Variants in XKR4 observed in about 807,000 individuals in gnomAD.
XKR4 encodes XK related 4, also known as XK-related protein 4.
XKR4 carries 12 observed loss-of-function variants against 53.9 expected under a neutral mutation model. The ratio of observed to expected loss-of-function variants is 0.22; its 90% confidence interval spans 0.14 to 0.36. The LOEUF (loss-of-function observed/expected upper bound fraction) is 0.36, where lower values mean the gene tolerates loss of function less well. XKR4 is among the 10% of genes least tolerant of loss of function. The probability of loss-of-function intolerance (pLI) is 1.00; values close to 1 mark genes in which losing one functional copy is unlikely to be tolerated. For missense variants in XKR4, 799 were observed against 859.5 expected, an observed-to-expected ratio of 0.93 and a Z score of 0.88; for synonymous variants, 354 against 362.4, an observed-to-expected ratio of 0.98 and a Z score of 0.26.
rs192047265 is a variant in XKR4 at position 55,528,204 on chromosome 8, T to C, written c.*3977T>C. ...CTATAAGACCAACACACTTACGAACTTCAGTTGGAAATACCTAAATATAAT... is the reference window on the plus strand; with the variant it reads ...CTATAAGACCAACACACTTACGAACCTCAGTTGGAAATACCTAAATATAAT... On this transcript the variant is annotated 3_prime_UTR_variant, in exon 3 of 3. Transcript: ENST00000327381. 2.4e-4 allele frequency: 36 copies of C among 152,342 alleles called. No homozygotes were observed. Among genetic ancestry groups the C allele is most frequent in the Admixed American group, 1.8e-3 (28 of 15,304 alleles). 9.4% of individuals were successfully genotyped at this position (152,342 alleles called of 1,614,324 possible). A position where few individuals can be genotyped will look rare whatever the true frequency, so the allele number is the denominator to read the frequency against.
At chr8:55,334,646 T>C (rs1803432471) in intron 1 of XKR4, among the ~76,000 whole-genome samples, 1 of 152,190 alleles carries the variant, frequency 6.6e-6, no homozygotes, top group Non-Finnish European at 1.5e-5. Context: ...CTCATATACC[T>C]GTGCATTTCA....
At chr8:55,240,062 C>A (rs1174580090) in intron 1 of XKR4, among the ~76,000 whole-genome samples, 1 of 152,176 alleles carries the variant, frequency 6.6e-6, no homozygotes, top group South Asian at 2.1e-4. Flanking sequence ...TGTCTACCTG[C>A]TAAACTGTTA....
Position 55,451,687 on chromosome 8 carries a change from T to C in XKR4, c.1007-71594T>C, listed in dbSNP as rs561527229. The stretch of plus-strand genomic sequence containing the variant: ...CTGGGGCACGATCAGCAGCCCCGGG[T>C]ACCTGCGGTAGATGGCATGCATGCG... On this transcript the variant is annotated intron_variant, in intron 2 of 2. Transcript: ENST00000327381. 7 of 1,484,976 alleles carry C rather than the reference T, an allele frequency of 4.7e-6. No individual in the cohort carries two copies. The South Asian group carries it at 4.8e-5, about 10-fold the overall frequency. 92.0% of individuals were successfully genotyped at this position (1,484,976 alleles called of 1,614,324 possible).
intron 2 of XKR4, among the ~76,000 whole-genome samples, chr8:55,436,859 C>T (rs889241774): frequency 2.0e-5 from 3 of 152,114 alleles, no homozygotes; most frequent in Non-Finnish European, 4.4e-5. Flanking sequence ...TCACAGAGGG[C>T]CCGGTAGCTG....
At chr8:55,394,603 A>G (rs1276028131) in intron 2 of XKR4, among the ~76,000 whole-genome samples, 2 of 152,208 alleles carry the variant, frequency 1.3e-5, no homozygotes, top group Non-Finnish European at 2.9e-5. Context: ...ATGGCGAAAT[A>G]TCTTTCACTT....
rs1382986779 is a variant in XKR4 at position 55,262,764 on chromosome 8, G to A, written c.807-94914G>A. On this transcript the variant is annotated intron_variant, in intron 1 of 2. Transcript: ENST00000327381. ...GCAGCCCAAGCTGACTATGACAGTG[G>A]TAGAGCTGGCATTAGATGCCCACTC... is the stretch of plus-strand genomic sequence containing the variant. Among the ~76,000 whole-genome samples the A allele has an allele frequency of 2.0e-5, 3 of 152,300 alleles. No individual in the cohort carries two copies. The East Asian group carries it at 5.8e-4, about 29-fold the overall frequency.
chr8:55,508,586 T>C (rs745860021), intron 2 of XKR4, among the ~76,000 whole-genome samples: 5 of 152,108 alleles, frequency 3.3e-5, no homozygotes, highest in African/African-American at 7.2e-5. Context: ...AGGAGATGGC[T>C]CAAGCAAGCA....
chr8:55,132,014 G>A (rs943746251), intron 1 of XKR4, among the ~76,000 whole-genome samples: 9 of 152,174 alleles, frequency 5.9e-5, no homozygotes, highest in Non-Finnish European at 1.2e-4. Context: ...CGCAGAGCCC[G>A]AAGGGTGTGG....
At chr8:55,372,860 C>A (rs963367739) in intron 2 of XKR4, among the ~76,000 whole-genome samples, 4 of 152,164 alleles carry the variant, frequency 2.6e-5, no homozygotes, top group Non-Finnish European at 5.9e-5. Context: ...GGGTACTGCT[C>A]ATACACAGGA....
intron 1 of XKR4, among the ~76,000 whole-genome samples, chr8:55,128,843 T>G (rs1475719275): frequency 1.3e-5 from 2 of 152,180 alleles, no homozygotes; most frequent in African/African-American, 4.8e-5. Flanking sequence ...GCACCTGCTG[T>G]CATCCATGCA....
intron 2 of XKR4, among the ~76,000 whole-genome samples, chr8:55,459,312 A>T (rs1805614518): frequency 6.6e-6 from 1 of 152,242 alleles, no homozygotes; most frequent in Non-Finnish European, 1.5e-5. Flanking sequence ...AGTAAGAGCT[A>T]AAACTATAAA....
chr8:55,422,040 ATAAC>A (rs1461644906), intron 2 of XKR4, among the ~76,000 whole-genome samples: 4 of 152,234 alleles, frequency 2.6e-5, no homozygotes, highest in African/African-American at 9.6e-5. Flanking sequence ...AAACAAAAGA[ATAAC>A]TATGGCCTAT....
intron 2 of XKR4, chr8:55,454,507 G>A (rs1805524297): frequency 1.6e-6 from 2 of 1,269,024 alleles, no homozygotes; most frequent in Non-Finnish European, 1.1e-6. Context: ...GTACGTTGGT[G>A]ATGCCCAGCT....
At chr8:55,114,079 G>T (rs1376604902) in intron 1 of XKR4, among the ~76,000 whole-genome samples, 1 of 151,934 alleles carries the variant, frequency 6.6e-6, no homozygotes, top group Non-Finnish European at 1.5e-5. Context: ...TATTCCTTTG[G>T]GTATATATCC....
chr8:55,181,279 C>T (rs115012041), intron 1 of XKR4, among the ~76,000 whole-genome samples: 23 of 152,260 alleles, frequency 1.5e-4, no homozygotes, highest in African/African-American at 5.3e-4. Flanking sequence ...GTGTGTGTCT[C>T]ATTCTGACCC....
rs965501461 is a variant in XKR4, at chr8:55,541,150, A to G, written c.*16923A>G. The G allele has an allele frequency of 1.3e-5, 2 of 152,236 alleles. No homozygotes were observed. Among genetic ancestry groups the G allele is most frequent in the African/African-American group, 2.4e-5 (1 of 41,464 alleles). 9.4% of individuals were successfully genotyped at this position (152,236 alleles called of 1,614,324 possible). The stretch of plus-strand genomic sequence containing the variant: ...TTGTTTTATTTAGAAACATGAAACC[A>G]TGCACTTTGTAATCAATAAGTCTTT... On this transcript the variant is annotated 3_prime_UTR_variant, in exon 3 of 3. Transcript: ENST00000327381.
rs117932266 is a variant in XKR4 at position 55,212,034 on chromosome 8, C to T, written c.806+108740C>T. Among the ~76,000 whole-genome samples, 1,315 of 150,232 alleles carry T rather than the reference C, an allele frequency of 8.8e-3. 13 individuals are homozygous for T. The highest frequency in any genetic ancestry group is 0.031 in the Middle Eastern group (9 of 294). ...GTGGAGGGGCAGGGAGCTTCCAGGT[C>T]ATAGGTGGATTCAAAGACTTTCTGA... On this transcript the variant is annotated intron_variant, in intron 1 of 2. Coordinates refer to ENST00000327381, the MANE Select transcript of XKR4 (RefSeq NM_052898.2).
intron 1 of XKR4, among the ~76,000 whole-genome samples, chr8:55,292,521 G>A (rs1242642678): frequency 1.3e-5 from 2 of 152,030 alleles, no homozygotes; most frequent in Non-Finnish European, 2.9e-5. Flanking sequence ...CTGGATACTG[G>A]TAATGTGTGT....
chr8:55,266,001 A>G (rs966263479), intron 1 of XKR4, among the ~76,000 whole-genome samples: 6 of 151,138 alleles, frequency 4.0e-5, no homozygotes, highest in African/African-American at 1.5e-4. Flanking sequence ...ATAAATATAT[A>G]ATAAAAAATT....
Sources: gnomAD v4.1 joint callset for allele counts (sites outside exome capture counted in the v4.1 genomes callset) on GRCh38, gnomAD v4.1.1 for gene constraint, MANE v1.5 for transcripts, NCBI Gene and HGNC (gene_info 2026-07-23, HGNC 2026-07-21) for gene names.